The following ELOVL3 variants were observed in gnomAD, a reference collection of about 807,000 sequenced individuals.
ELOVL3 encodes very long chain fatty acid elongase 3.
A neutral mutation model predicts 14.9 loss-of-function variants in ELOVL3; 11 were observed. The ratio of observed to expected loss-of-function variants is 0.74; its 90% CI spans 0.46 to 1.22. The LOEUF is 1.22. ELOVL3 is among the 50% of genes most tolerant of loss of function. ELOVL3 has a pLI of 0.00. For missense variants in ELOVL3, 277 were observed against 338.9 expected (o/e 0.82, Z 1.43); for synonymous variants, 117 against 124.7 (o/e 0.94, Z 0.41).
rs150163535 is a variant in ELOVL3 at position 102,228,469 on chromosome 10, G to A, written c.286G>A (p.Gly96Arg). Residue 96 changes from glycine to arginine, a missense_variant, in exon 3 of 4, where the codon GGG (glycine) becomes AGG (arginine). Physicochemically the swap from Gly to Arg is moderately radical, Grantham distance 125 (BLOSUM62 -2). Transcript: ENST00000370005. ...WGIMGTVLLT[G>R]GLKQTVCFIN... ...CATTATGGGGACTGTGCTACTTACC[G>A]GGGGCCTAAAGCAAACCGTGTGCTT... 51 of 1,613,932 alleles carry A rather than the reference G, an allele frequency of 3.2e-5. 1 individual carries two copies. Among genetic ancestry groups the A allele is most frequent in the Middle Eastern group, 1.6e-4 (1 of 6,084 alleles).
chr10:102,229,185 T>C lies in ELOVL3; in HGVS notation c.746T>C (p.Leu249Pro), dbSNP rs1250269902. The change falls in exon 4 of 4, where the codon CTC (leucine) becomes CCC (proline). Residue 249 changes from leucine to proline, a missense_variant. Leu to Pro is a moderately conservative substitution (Grantham distance 98). Transcript: ENST00000370005. ...ATCTTGTATATGACCTATTTCATCC[T>C]CTTTGCCCACTTCTTCTGCCAGACC... ...SFILYMTYFI[L>P]FAHFFCQTYI... 6 of 1,613,946 alleles carry C rather than the reference T, an allele frequency of 3.7e-6. No individual in the cohort carries two copies. The highest frequency in any genetic ancestry group is 5.1e-6 in the Non-Finnish European group (6 of 1,180,034).
Position 102,227,687 on chromosome 10 carries a change from A to G in ELOVL3, c.163A>G (p.Met55Val). Residue 55 changes from methionine (M) to valine (V), a missense_variant, in exon 2 of 4, where the codon ATG (methionine) becomes GTG (valine). Transcript: ENST00000370005. ...LVLIAVGQNY[M>V]KERKGFNLQG... is the part of the protein sequence containing the mutation. ...TCTCATCGCTGTGGGGCAGAACTAC[A>G]TGAAGGAACGCAAGGGCTTCAACCT... 1 of 1,613,576 alleles carries G rather than the reference A, an allele frequency of 6.2e-7. No individual in the cohort carries two copies. Among genetic ancestry groups the G allele is most frequent in the Non-Finnish European group, 8.5e-7 (1 of 1,179,846 alleles).
chr10:102,226,653 A>C lies in ELOVL3; in HGVS notation c.101+4A>C. ...GGCCCTTTTTCGAGGAGTATTGGTG[A>C]GACTTTGGGAGAGGGAAAGGCCATG... is the stretch of plus-strand genomic sequence containing the variant. On this transcript the variant is annotated splice_donor_region_variant and intron_variant, in intron 1 of 3. Coordinates refer to ENST00000370005, the MANE Select transcript of ELOVL3 (RefSeq NM_152310.3). 3 of 1,610,888 alleles carry C rather than the reference A, an allele frequency of 1.9e-6. No homozygotes were observed. Among genetic ancestry groups the C allele is most frequent in the Non-Finnish European group, 2.5e-6 (3 of 1,177,632 alleles).
chr10:102,229,307 G>A lies in ELOVL3; in HGVS notation c.*55G>A, dbSNP rs1367339723. On this transcript the variant is annotated 3_prime_UTR_variant, in exon 4 of 4. Coordinates refer to ENST00000370005, the MANE Select transcript of ELOVL3 (RefSeq NM_152310.3). Reference sequence around the variant, plus strand: ...CTCTCTCTTCTCCAGGGCACCAAGAGGCTGGGCTTAGTTTTGGGAGAATGA... The same window carrying A: ...CTCTCTCTTCTCCAGGGCACCAAGAAGCTGGGCTTAGTTTTGGGAGAATGA... 5 of 1,514,928 alleles carry A rather than the reference G, an allele frequency of 3.3e-6. No homozygotes were observed. In the African/African-American group the frequency reaches 4.2e-5, roughly 13 times the overall value. 93.8% of individuals were successfully genotyped at this position (1,514,928 alleles called of 1,614,324 possible).
intron 1 of ELOVL3, among the ~76,000 whole-genome samples, chr10:102,227,268 G>A (rs1590402635): frequency 6.6e-6 from 1 of 152,224 alleles, no homozygotes; most frequent in East Asian, 1.9e-4. Flanking sequence ...CAACCAGGGA[G>A]AAGCTATTGC....
At position 102,226,327 on chromosome 10, in the gene ELOVL3, A is replaced by G; in HGVS notation, c.-222A>G. 7.8e-6 allele frequency: 4 copies of G among 515,086 alleles called. No homozygotes were observed. Among genetic ancestry groups the G allele is most frequent in the Non-Finnish European group, 1.4e-5 (4 of 288,906 alleles). The allele number at this position is 515,086 out of a possible 1,614,324, so 31.9% of individuals were successfully genotyped here. On this transcript the variant is annotated 5_prime_UTR_variant, in exon 1 of 4. Transcript: ENST00000370005. ...GGAAAGAGGTCGCGCCAGCCCGGGC[A>G]GGCAGCTTTGCAAGTCCGCGTTATA...
Position 102,228,627 on chromosome 10 carries a change from C to G in ELOVL3, c.385+59C>G, listed in dbSNP as rs543989345. On this transcript the variant is annotated intron_variant, in intron 3 of 3. Coordinates refer to ENST00000370005, the MANE Select transcript of ELOVL3 (RefSeq NM_152310.3). ...GTGAACTGCATCCTTCCTCAGGGCC[C>G]TCCCTTCACCCATCCCATGGAGGGT... 8 of 1,586,826 alleles carry G rather than the reference C, an allele frequency of 5.0e-6. No individual in the cohort carries two copies. The East Asian group carries it at 1.8e-4, about 35-fold the overall frequency.
chr10:102,224,821 C>T (rs1478781592), upstream of ELOVL3, among the ~76,000 whole-genome samples: 2 of 151,998 alleles, frequency 1.3e-5, no homozygotes, highest in East Asian at 3.9e-4. Context: ...TGCCACCACG[C>T]CCGGCTAATT....
chr10:102,225,643 C>T (rs941029138), upstream of ELOVL3, among the ~76,000 whole-genome samples: 2 of 152,070 alleles, frequency 1.3e-5, no homozygotes, highest in Admixed American at 1.3e-4. Context: ...CTCCCTAAAC[C>T]CTAAGAGGCC....
chr10:102,227,466 A>G (rs2070147152), intron 1 of ELOVL3, among the ~76,000 whole-genome samples, 160 bp from the exon 2 acceptor site: 1 of 152,144 alleles, frequency 6.6e-6, no homozygotes, highest in South Asian at 2.1e-4. Flanking sequence ...CAAATGAGGA[A>G]GCCAAGGCTC....
At chr10:102,225,434 T>G (rs1437597267), upstream of ELOVL3, among the ~76,000 whole-genome samples, 2 of 152,200 alleles carry the variant, frequency 1.3e-5, no homozygotes, top group African/African-American at 4.8e-5. Context: ...AATTTCCACC[T>G]TATCTCAAAC....
At chr10:102,227,000 G>A (rs2133790199) in intron 1 of ELOVL3, among the ~76,000 whole-genome samples, 1 of 152,114 alleles carries the variant, frequency 6.6e-6, no homozygotes, top group South Asian at 2.1e-4. Context: ...GCACAGTGCA[G>A]GGCCCGGGGG....
intron 1 of ELOVL3, among the ~76,000 whole-genome samples, chr10:102,227,028 A>G (rs1352876515): frequency 6.6e-6 from 1 of 151,794 alleles, no homozygotes. Flanking sequence ...GCCCTTTACA[A>G]TTATCCCATC....
At chr10:102,227,127 C>T (rs1235379108) in intron 1 of ELOVL3, among the ~76,000 whole-genome samples, 1 of 152,156 alleles carries the variant, frequency 6.6e-6, no homozygotes, top group Non-Finnish European at 1.5e-5. Context: ...AGCTCTCTGG[C>T]TTTGCCTTAA....
chr10:102,225,634 T>C (rs555282687), upstream of ELOVL3, among the ~76,000 whole-genome samples: 8 of 152,026 alleles, frequency 5.3e-5, no homozygotes, highest in Non-Finnish European at 1.0e-4. Context: ...GCTCTCCCCC[T>C]CCCTAAACCC....
In ELOVL3 at chr10:102,228,487, G is replaced by C. The variant is rs373353894; in HGVS notation, c.304G>C (p.Val102Leu). The C allele has an allele frequency of 1.9e-6, 3 of 1,614,108 alleles. No individual in the cohort carries two copies. Among genetic ancestry groups the C allele is most frequent in the Non-Finnish European group, 2.5e-6 (3 of 1,179,980 alleles). ...ACTTACCGGGGGCCTAAAGCAAACC[G>C]TGTGCTTCATCAACTTCATCGATAA... ...VLLTGGLKQT[V>L]CFINFIDNST... is the part of the protein sequence containing the mutation. Residue 102 changes from valine (V) to leucine (L), a missense_variant, in exon 3 of 4, where the codon GTG (valine) becomes CTG (leucine). Coordinates refer to ENST00000370005, the MANE Select transcript of ELOVL3 (RefSeq NM_152310.3).
rs145666911 is a variant in ELOVL3, at chr10:102,227,931, A to G, written c.233+174A>G. Among the ~76,000 whole-genome samples the G allele has an allele frequency of 1.1e-3, 169 of 151,598 alleles. 1 individual carries two copies. The highest frequency in any genetic ancestry group is 3.9e-3 in the African/African-American group (159 of 41,250). ...CCCAGCCTTCACCCTCTTCTGTTAT[A>G]TTATCCTGTTTTCCTTCTCTTTTAG... On this transcript the variant is annotated intron_variant, in intron 2 of 3. Transcript: ENST00000370005.
rs140905291 is a variant in ELOVL3, at chr10:102,228,428, C to A, written c.245C>A (p.Ala82Glu). ...TTGTCCCATTTCAGTATCCTGGGGG[C>A]AGTGAGGATGTGGGGCATTATGGGG... ...FCLAIFSILG[A>E]VRMWGIMGTV... Residue 82 changes from alanine (A) to glutamate (E), a missense_variant, in exon 3 of 4, where the codon GCA becomes GAA. Transcript: ENST00000370005. 3 of 1,613,796 alleles carry A rather than the reference C, an allele frequency of 1.9e-6. No homozygotes were observed. In the African/African-American group the frequency reaches 4.0e-5, roughly 22 times the overall value.
upstream of ELOVL3, among the ~76,000 whole-genome samples, chr10:102,225,071 T>A (rs2070126884): frequency 6.6e-6 from 1 of 152,196 alleles, no homozygotes; most frequent in Admixed American, 6.5e-5. Flanking sequence ...GACCAGAATC[T>A]CTGCAGTTGA....
Sources: allele counts gnomAD v4.1 joint callset (sites outside exome capture counted in the v4.1 genomes callset), GRCh38; gene constraint gnomAD v4.1.1; transcripts MANE v1.5; gene names NCBI Gene and HGNC (gene_info 2026-07-23, HGNC 2026-07-21).